The following ABLIM3 variants were observed in gnomAD, a reference collection of about 807,000 sequenced individuals.
ABLIM3 encodes the protein actin binding LIM protein family member 3, also known as actin-binding LIM protein 3.
ABLIM3 carries 61 observed loss-of-function variants against 109.5 expected under a neutral mutation model. That is an observed-to-expected ratio of 0.56 (90% CI 0.45 to 0.69). The LOEUF is 0.69. Ranked by LOEUF, ABLIM3 falls within the 30% of genes least tolerant of loss-of-function variation. The pLI is 0.00. For missense variants in ABLIM3, 796 were observed against 889.5 expected, an observed-to-expected ratio of 0.89 and a Z score of 1.34; for synonymous variants, 300 against 324.8, an observed-to-expected ratio of 0.92 and a Z score of 0.82.
intron 20 of ABLIM3, among the ~76,000 whole-genome samples, chr5:149,250,983 C>T (rs1206390684): frequency 6.6e-6 from 1 of 152,068 alleles, no homozygotes; most frequent in Non-Finnish European, 1.5e-5. Flanking sequence ...ATTTTCTGAG[C>T]TCCCTGAGCG....
chr5:149,151,424 TAG>T, intron 2 of ABLIM3, among the ~76,000 whole-genome samples: 1 of 152,242 alleles, frequency 6.6e-6, no homozygotes, highest in Admixed American at 6.5e-5. Context: ...CAATCCATAA[TAG>T]AGTGTTTGTT....
chr5:149,176,105 G>C (rs10477411), intron 2 of ABLIM3, among the ~76,000 whole-genome samples: 11 of 152,132 alleles, frequency 7.2e-5, no homozygotes, highest in Non-Finnish European at 1.5e-5. Flanking sequence ...CAGAGGACTC[G>C]TACTTCCACC....
rs1247563058 is a variant in ABLIM3 at position 149,249,826 on chromosome 5, C to T, written c.1711C>T (p.His571Tyr). 1.2e-6 allele frequency: 2 copies of T among 1,614,090 alleles called. No individual in the cohort carries two copies. The highest frequency in any genetic ancestry group is 1.7e-6 in the Non-Finnish European group (2 of 1,180,024). ...EMSLNGSPRS[H>Y]YLADSDPLIS... Reference sequence around the variant, plus strand: ...TTTCTCTCCTGCAGCCCCTCGGTCGCACTACCTGGCTGACAGTGGTAAGTT... The same window carrying T: ...TTTCTCTCCTGCAGCCCCTCGGTCGTACTACCTGGCTGACAGTGGTAAGTT... The change falls in exon 19 of 24, where the codon CAC becomes TAC. Residue 571 changes from histidine (H) to tyrosine (Y), a missense_variant. His to Tyr is a moderately conservative substitution (Grantham distance 83, BLOSUM62 2). Coordinates refer to ENST00000309868, the MANE Select transcript of ABLIM3 (RefSeq NM_014945.5).
intron 8 of ABLIM3, among the ~76,000 whole-genome samples, chr5:149,222,661 C>A (rs1760771538): frequency 8.0e-6 from 1 of 124,418 alleles, no homozygotes; most frequent in Non-Finnish European, 1.7e-5. Flanking sequence ...TTTCAGATTA[C>A]TTTTTTTTTT....
intron 3 of ABLIM3, among the ~76,000 whole-genome samples, chr5:149,196,358 C>T (rs1298214158): frequency 6.6e-6 from 1 of 152,220 alleles, no homozygotes; most frequent in African/African-American, 2.4e-5. Context: ...CACTCAGTTC[C>T]AGGTTGACTC....
intron 2 of ABLIM3, among the ~76,000 whole-genome samples, chr5:149,155,075 A>T (rs1753764369): frequency 6.6e-6 from 1 of 152,218 alleles, no homozygotes; most frequent in Non-Finnish European, 1.5e-5. Context: ...AAGGAAAATG[A>T]GATTCAAAGG....
chr5:149,191,615 C>A (rs1359573714), intron 3 of ABLIM3, among the ~76,000 whole-genome samples: 1 of 140,528 alleles, frequency 7.1e-6, no homozygotes, highest in Non-Finnish European at 1.5e-5. Flanking sequence ...ATGTCCATAT[C>A]ATTCATGAAC....
At chr5:149,225,988 A>G (rs1302056310) in intron 8 of ABLIM3, among the ~76,000 whole-genome samples, 374 of 15,426 alleles carry the variant, frequency 0.024, no homozygotes, top group South Asian at 0.053. Context: ...GTGTGTATAT[A>G]TATATATATA....
Position 149,156,135 on chromosome 5 carries a change from G to A in ABLIM3, c.13+14027G>A, listed in dbSNP as rs1753850712. Among the ~76,000 whole-genome samples, 3 of 152,236 alleles carry A rather than the reference G, an allele frequency of 2.0e-5. No homozygotes were observed. In the South Asian group the frequency reaches 6.2e-4, roughly 32 times the overall value. On this transcript the variant is annotated intron_variant, in intron 2 of 23. Transcript: ENST00000309868. ...TGCAACTATGCCCATGGGTGGGCTT[G>A]CTGTATATTCTAATACCTGGGACTG...
In ABLIM3 at chr5:149,233,275, T is replaced by G. The variant is rs770987109; in HGVS notation, c.863T>G (p.Ile288Ser). ...TCCATCTCACCCCCTGGATCCAGCA[T>G]TGGGTCACCCAACCGAGTCATCTGC... Reference protein sequence around the residue: ...ETSISPPGSSIGSPNRVICAK... With the variant: ...ETSISPPGSSSGSPNRVICAK... The change falls in exon 10 of 24, where the codon ATT (isoleucine) becomes AGT (serine). Residue 288 changes from isoleucine (I) to serine (S), a missense_variant. Transcript: ENST00000309868. 6.2e-7 allele frequency: 1 copy of G among 1,614,152 alleles called. No individual in the cohort carries two copies.
chr5:149,239,113 A>T lies in ABLIM3; in HGVS notation c.1045-135A>T, dbSNP rs905263041. ...CTCTGGAATTCCCAGCGAGGCTGTT[A>T]TCTGGAGAGGGGTACAAAGGAACTG... On this transcript the variant is annotated intron_variant, in intron 11 of 23. Coordinates refer to ENST00000309868, the MANE Select transcript of ABLIM3 (RefSeq NM_014945.5). 7.3e-6 allele frequency: 6 copies of T among 818,834 alleles called. No homozygotes were observed. The Admixed American group carries it at 9.5e-5, about 13-fold the overall frequency. The allele number at this position is 818,834 out of a possible 1,614,324, so 50.7% of individuals were successfully genotyped here. A position where few individuals can be genotyped will look rare whatever the true frequency, so the allele number is the denominator to read the frequency against.
At chr5:149,166,179 T>C (rs4512126) in intron 2 of ABLIM3, among the ~76,000 whole-genome samples, 4 of 152,004 alleles carry the variant, frequency 2.6e-5, no homozygotes, top group African/African-American at 9.7e-5. Context: ...TAGGAATCAG[T>C]TGGAACTGAG....
Position 149,159,765 on chromosome 5 carries a change from C to T in ABLIM3, c.13+17657C>T, listed in dbSNP as rs75471035. On this transcript the variant is annotated intron_variant, in intron 2 of 23. Transcript: ENST00000309868. ...AAATTTTTGGTAAACCTTTAAGCGTCGTACAGCTCAAGAACCTCCTCTCCA... is the reference window on the plus strand; with the variant it reads ...AAATTTTTGGTAAACCTTTAAGCGTTGTACAGCTCAAGAACCTCCTCTCCA... Among the ~76,000 whole-genome samples the T allele has an allele frequency of 2.4e-3, 366 of 152,264 alleles. 3 individuals are homozygous for T. Among genetic ancestry groups the T allele is most frequent in the African/African-American group, 8.4e-3 (350 of 41,546 alleles).
In ABLIM3 at chr5:149,240,718, A is replaced by T. The variant is rs1223591028; in HGVS notation, c.1247A>T (p.Asp416Val). 6.2e-7 allele frequency: 1 copy of T among 1,614,114 alleles called. No homozygotes were observed. The highest frequency in any genetic ancestry group is 1.7e-5 in the Admixed American group (1 of 60,026). ...AGCTCTCCATACCATAGCCAGTTAG[A>T]TGTGAGGTCCTCCACTCCAACCTCT... The part of the protein sequence containing the change: ...GRSSPYHSQL[D>V]VRSSTPTSYQ... The change falls in exon 14 of 24, where the codon GAT becomes GTT. Residue 416 changes from aspartate to valine, a missense_variant. Coordinates refer to ENST00000309868, the MANE Select transcript of ABLIM3 (RefSeq NM_014945.5).
chr5:149,243,328 A>T (rs1323870457), intron 15 of ABLIM3: 1 of 152,210 alleles, frequency 6.6e-6, no homozygotes, highest in African/African-American at 2.4e-5. Context: ...CCACCTGTTC[A>T]CTTTTGCAAA....
chr5:149,207,698 C>T (rs1195612378), intron 6 of ABLIM3, among the ~76,000 whole-genome samples: 2 of 152,196 alleles, frequency 1.3e-5, no homozygotes, highest in East Asian at 3.8e-4. Context: ...TCTGTACCCA[C>T]CAGGAGAGGG....
intron 18 of ABLIM3, among the ~76,000 whole-genome samples, chr5:149,248,236 C>G (rs1161480595): frequency 6.6e-6 from 1 of 152,174 alleles, no homozygotes; most frequent in Non-Finnish European, 1.5e-5. Context: ...AAGGTTAGCC[C>G]CAAACCCTGC....
At chr5:149,240,546 C>G (rs531790793) in intron 13 of ABLIM3, 130 bp from the exon 14 acceptor site, 3 of 723,234 alleles carry the variant, frequency 4.1e-6, no homozygotes. Context: ...AACCTGAGCA[C>G]GCTGAGACGC....
chr5:149,223,382 C>T (rs1224781949), intron 8 of ABLIM3, among the ~76,000 whole-genome samples: 2 of 152,258 alleles, frequency 1.3e-5, no homozygotes, highest in African/African-American at 4.8e-5. Flanking sequence ...TTCTGAGAAA[C>T]AAAATTGCCT....
Sources: allele counts gnomAD v4.1 joint callset (sites outside exome capture counted in the v4.1 genomes callset), GRCh38; gene constraint gnomAD v4.1.1; transcripts MANE v1.5; gene names NCBI Gene and HGNC (gene_info 2026-07-23, HGNC 2026-07-21).